CMIP: variants seen among roughly 807,000 people sequenced by gnomAD.
The protein encoded by CMIP is c-Maf inducing protein, also known as C-Maf-inducing protein.
In CMIP, 13 loss-of-function variants were observed where a neutral mutation model predicts 97.3. The observed-to-expected ratio is 0.13, with a 90% CI of 0.09 to 0.21. The LOEUF (loss-of-function observed/expected upper bound fraction) is 0.21, where lower values mean the gene tolerates loss of function less well. Ranked by LOEUF, CMIP falls within the 10% of genes least tolerant of loss-of-function variation. The pLI is 1.00. For missense variants in CMIP, 847 were observed against 1,024.9 expected (o/e 0.83, Z 2.37); for synonymous variants, 538 against 436.3 (o/e 1.23, Z -2.91).
At chr16:81,502,783 A>C (rs2089636811) in intron 1 of CMIP, among the ~76,000 whole-genome samples, 1 of 152,248 alleles carries the variant, frequency 6.6e-6, no homozygotes, top group South Asian at 2.1e-4. Context: ...GCAAAAAACA[A>C]AACAAAAAAA....
chr16:81,476,636 T>G (rs1032383989), intron 1 of CMIP: 4 of 400,114 alleles, frequency 1.0e-5, no homozygotes, highest in African/African-American at 6.2e-5. Flanking sequence ...CAACTTGCCT[T>G]TTTAGTTTGC....
At chr16:81,685,757 T>G (rs1383431257) in intron 10 of CMIP, among the ~76,000 whole-genome samples, 1 of 150,492 alleles carries the variant, frequency 6.6e-6, no homozygotes, top group African/African-American at 2.5e-5. Flanking sequence ...AGAGATGGGA[T>G]CTCTTTATGT....
At position 81,621,009 on chromosome 16, in the gene CMIP, G is replaced by T; in HGVS notation, c.477+83G>T. 1 of 1,554,016 alleles carries T rather than the reference G, an allele frequency of 6.4e-7. No homozygotes were observed. Among genetic ancestry groups the T allele is most frequent in the Non-Finnish European group, 8.8e-7 (1 of 1,132,278 alleles). On this transcript the variant is annotated intron_variant, in intron 3 of 20. Transcript: ENST00000537098. The surrounding 1 kb of genome is among the most constrained non-coding windows in gnomAD (Gnocchi z 4.1). ...AAGCCAATCTGTCACCCAGAGGCAT[G>T]AAAGTGGAGAACTCATGCCTTCCAG...
At chr16:81,673,671 GTCAC>G (rs1364821885) in intron 9 of CMIP, among the ~76,000 whole-genome samples, 5 of 152,208 alleles carry the variant, frequency 3.3e-5, no homozygotes, top group African/African-American at 1.2e-4. Context: ...TGCTGGGATA[GTCAC>G]TCACCAGCTC....
In CMIP at chr16:81,710,154, G is replaced by C. The variant is rs907737828; in HGVS notation, c.*355G>C. 9 of 308,348 alleles carry C rather than the reference G, an allele frequency of 2.9e-5. No individual in the cohort carries two copies. The highest frequency in any genetic ancestry group is 1.9e-4 in the African/African-American group (9 of 46,706). The allele number at this position is 308,348 out of a possible 1,614,324, so 19.1% of individuals were successfully genotyped here. ...TGTTTGATGCCGTCGTGTGGGAAAA[G>C]TCAACTCCGATGCCACCATTGCGGG... On this transcript the variant is annotated 3_prime_UTR_variant, in exon 21 of 21. Transcript: ENST00000537098.
chr16:81,646,568 C>T (rs944257170), intron 3 of CMIP, among the ~76,000 whole-genome samples: 20 of 152,220 alleles, frequency 1.3e-4, no homozygotes, highest in Non-Finnish European at 2.8e-4. Flanking sequence ...GTTGTACAGT[C>T]ATCACCACAA....
chr16:81,682,135 C>T (rs747596774), intron 10 of CMIP, among the ~76,000 whole-genome samples: 3 of 152,032 alleles, frequency 2.0e-5, no homozygotes, highest in Non-Finnish European at 2.9e-5. Flanking sequence ...CCCCGGGGGG[C>T]GGAGGTTGCA....
At position 81,444,811 on chromosome 16, in the gene CMIP, C is replaced by G. The variant is rs1046536334; in HGVS notation, c.-431C>G. Among the ~76,000 whole-genome samples the G allele has an allele frequency of 2.7e-5, 4 of 145,540 alleles. No individual in the cohort carries two copies. Among genetic ancestry groups the G allele is most frequent in the African/African-American group, 9.8e-5 (4 of 40,646 alleles). On this transcript the variant is annotated 5_prime_UTR_variant, in exon 1 of 21. Coordinates refer to ENST00000537098, the MANE Select transcript of CMIP (RefSeq NM_198390.3). ...GCGGCCCGCCCCGCCCGCGGCCACT[C>G]TCGCCCGGACGGCCGCGCGGACACA... is the stretch of plus-strand genomic sequence containing the variant.
intron 1 of CMIP, among the ~76,000 whole-genome samples, chr16:81,512,037 T>G (rs984267597): frequency 8.5e-5 from 13 of 152,246 alleles, no homozygotes; most frequent in African/African-American, 3.1e-4. Flanking sequence ...TTTTTTGTAT[T>G]GATTATATGT....
intron 1 of CMIP, among the ~76,000 whole-genome samples, chr16:81,540,619 G>A (rs10871416): frequency 0.4 from 60,263 of 150,412 alleles, 13,277 homozygotes; most frequent in Non-Finnish European, 0.49. Context: ...CTTCTTTGAA[G>A]CCAGTTAAAT....
chr16:81,568,817 G>C (rs2091031475), intron 1 of CMIP, among the ~76,000 whole-genome samples: 1 of 152,190 alleles, frequency 6.6e-6, no homozygotes, highest in Non-Finnish European at 1.5e-5. Flanking sequence ...CAGTCTGAAA[G>C]GCGAGTGGGT....
intron 1 of CMIP, among the ~76,000 whole-genome samples, chr16:81,472,924 A>G (rs1276490730): frequency 6.6e-6 from 1 of 152,182 alleles, no homozygotes; most frequent in Non-Finnish European, 1.5e-5. Flanking sequence ...GCAGCTGCCC[A>G]GTGAGTGTGT....
At chr16:81,577,872 T>C (rs111662038) in intron 1 of CMIP, among the ~76,000 whole-genome samples, 7 of 127,748 alleles carry the variant, frequency 5.5e-5, no homozygotes, top group African/African-American at 1.5e-4. Flanking sequence ...ACCTTCATCA[T>C]CACCATCATC....
chr16:81,651,363 A>G (rs911321523), intron 3 of CMIP: 17 of 945,858 alleles, frequency 1.8e-5, no homozygotes, highest in South Asian at 4.9e-5. Flanking sequence ...CTCTGCCTCA[A>G]ATCCAGGGAG....
intron 19 of CMIP, 36 bp downstream of exon 19, chr16:81,705,640 C>T (rs148632436): frequency 2.8e-5 from 39 of 1,372,478 alleles, no homozygotes; most frequent in African/African-American, 1.7e-4. Context: ...GGTGAGGGGC[C>T]GCTTGATTCA....
chr16:81,541,271 GTTTC>G (rs2090444442), intron 1 of CMIP, among the ~76,000 whole-genome samples: 1 of 152,030 alleles, frequency 6.6e-6, no homozygotes, highest in African/African-American at 2.4e-5. Context: ...TTTTATGTGA[GTTTC>G]TTTATTTAAA....
chr16:81,582,047 A>G (rs1475037062), intron 1 of CMIP, among the ~76,000 whole-genome samples: 1 of 152,180 alleles, frequency 6.6e-6, no homozygotes, highest in East Asian at 1.9e-4. Flanking sequence ...GAGCAGGACG[A>G]AGAGAGCTGG....
At chr16:81,625,096 G>T (rs2092043800) in intron 3 of CMIP, among the ~76,000 whole-genome samples, 1 of 152,244 alleles carries the variant, frequency 6.6e-6, no homozygotes, top group African/African-American at 2.4e-5. Flanking sequence ...AAGGCAAGCG[G>T]GATTAGACCC....
At chr16:81,613,289 C>T (rs4888159) in intron 2 of CMIP, among the ~76,000 whole-genome samples, 46,856 of 151,890 alleles carry the variant, frequency 0.31, 8,591 homozygotes, top group Non-Finnish European at 0.41. Context: ...ATAATGCTCA[C>T]GGATGTCCCA....
Sources: gnomAD v4.1 joint callset for allele counts (sites outside exome capture counted in the v4.1 genomes callset) on GRCh38, gnomAD v4.1.1 for gene constraint, Gnocchi (gnomAD v3.1) non-coding constraint, MANE v1.5 for transcripts, NCBI Gene and HGNC (gene_info 2026-07-23, HGNC 2026-07-21) for gene names.